The following PCDH7 variants were observed in gnomAD, a reference collection of about 807,000 sequenced individuals.
PCDH7 encodes the protein protocadherin-7.
In PCDH7, 17 loss-of-function variants were observed where a neutral mutation model predicts 58.9. That is an observed-to-expected ratio of 0.29 (90% CI 0.20 to 0.43). The LOEUF (loss-of-function observed/expected upper bound fraction) is 0.43, where lower values mean the gene tolerates loss of function less well. Ranked by LOEUF, PCDH7 falls within the 20% of genes least tolerant of loss-of-function variation. The pLI, the probability that PCDH7 is intolerant of heterozygous loss-of-function variation, is 1.00. For missense variants in PCDH7, 1,274 were observed against 1,441.0 expected (o/e 0.88, Z 1.88); for synonymous variants, 664 against 616.4 (o/e 1.08, Z -1.14).
At chr4:30,984,919 TA>T (rs1038110702) in intron 3 of PCDH7, among the ~76,000 whole-genome samples, 10 of 151,048 alleles carry the variant, frequency 6.6e-5, no homozygotes, top group Non-Finnish European at 1.0e-4. Flanking sequence ...GTAATACCAT[TA>T]AAAAAAAAGA....
chr4:30,793,804 A>G (rs1322143713), intron 1 of PCDH7: 1 of 152,218 alleles, frequency 6.6e-6, no homozygotes, highest in Non-Finnish European at 1.5e-5. Context: ...ATTCACTTGG[A>G]TAAAGAAGTA....
intron 1 of PCDH7, among the ~76,000 whole-genome samples, chr4:30,756,266 G>A (rs35977739): frequency 0.13 from 19,347 of 151,866 alleles, 1,647 homozygotes; most frequent in East Asian, 0.29. Flanking sequence ...ATGGCACCCC[G>A]CTGTTCATGA....
chr4:30,736,130 ACAG>A (rs1292753024), downstream of PCDH7, among the ~76,000 whole-genome samples: 7 of 152,328 alleles, frequency 4.6e-5, no homozygotes, highest in Middle Eastern at 3.4e-3. Flanking sequence ...TTATTGCCAC[ACAG>A]TGGTTTCTTA....
chr4:31,070,276 A>G (rs1273198661), intron 3 of PCDH7, among the ~76,000 whole-genome samples: 2 of 152,114 alleles, frequency 1.3e-5, no homozygotes, highest in Non-Finnish European at 2.9e-5. Context: ...GGCTCATTCA[A>G]CAGTGTAATT....
At chr4:31,105,902 G>A (rs1422223956) in intron 3 of PCDH7, among the ~76,000 whole-genome samples, 1 of 151,878 alleles carries the variant, frequency 6.6e-6, no homozygotes, top group Non-Finnish European at 1.5e-5. Flanking sequence ...AGCTGCTCGG[G>A]ACGCTGAGGC....
intron 1 of PCDH7, chr4:30,783,216 T>C (rs1345642096): frequency 2.6e-5 from 4 of 152,180 alleles, no homozygotes; most frequent in Non-Finnish European, 4.4e-5. Context: ...AATAAACTTT[T>C]CAATGTTAAT....
chr4:31,064,101 A>G (rs1413038560), intron 3 of PCDH7, among the ~76,000 whole-genome samples: 2 of 151,992 alleles, frequency 1.3e-5, no homozygotes, highest in Non-Finnish European at 1.5e-5. Flanking sequence ...TGAGCCACAT[A>G]ATAAGTATCA....
At chr4:30,958,665 G>A (rs1308383278) in intron 3 of PCDH7, among the ~76,000 whole-genome samples, 3 of 151,784 alleles carry the variant, frequency 2.0e-5, no homozygotes, top group Admixed American at 1.3e-4. Context: ...GAAGTAGTTT[G>A]CAACTGAAAT....
intron 1 of PCDH7, among the ~76,000 whole-genome samples, chr4:30,846,432 C>T (rs1036564670): frequency 5.3e-5 from 8 of 152,002 alleles, no homozygotes; most frequent in East Asian, 1.9e-4. Context: ...CAAGAAGGCC[C>T]GCACCAGATG....
At chr4:30,902,477 T>C (rs1740346338) in intron 1 of PCDH7, among the ~76,000 whole-genome samples, 1 of 152,290 alleles carries the variant, frequency 6.6e-6, no homozygotes, top group African/African-American at 2.4e-5. Flanking sequence ...ACATGCTTTA[T>C]TATTAATGCT....
chr4:30,954,609 T>C (rs906698868), intron 3 of PCDH7, among the ~76,000 whole-genome samples: 5 of 152,174 alleles, frequency 3.3e-5, no homozygotes, highest in Non-Finnish European at 7.4e-5. Context: ...GTATGCCATG[T>C]GCAACATGAC....
chr4:31,012,625 A>C (rs2109154540), intron 3 of PCDH7, among the ~76,000 whole-genome samples: 1 of 150,798 alleles, frequency 6.6e-6, no homozygotes, highest in African/African-American at 2.4e-5. Flanking sequence ...CACTTGCATT[A>C]ATCTTGCCAG....
chr4:30,952,352 G>A (rs1747442726), intron 3 of PCDH7, among the ~76,000 whole-genome samples: 1 of 151,798 alleles, frequency 6.6e-6, no homozygotes. Context: ...AATTATACAT[G>A]GGATTATAGG....
intron 1 of PCDH7, among the ~76,000 whole-genome samples, chr4:30,875,157 T>C (rs1179348378): frequency 6.6e-6 from 1 of 152,062 alleles, no homozygotes; most frequent in Non-Finnish European, 1.5e-5. Flanking sequence ...ATCAAGGTGG[T>C]TGCACCGTTG....
chr4:30,889,089 G>A (rs1422828455), intron 1 of PCDH7, among the ~76,000 whole-genome samples: 1 of 145,600 alleles, frequency 6.9e-6, no homozygotes, highest in Non-Finnish European at 1.5e-5. Context: ...GCTGAGGTGG[G>A]TGGATTGCTT....
chr4:30,855,183 A>G (rs540409317), intron 1 of PCDH7, among the ~76,000 whole-genome samples: 3 of 152,150 alleles, frequency 2.0e-5, no homozygotes, highest in Admixed American at 6.6e-5. Flanking sequence ...TGGCAGCACT[A>G]TTGCTGGATA....
chr4:30,981,075 C>T (rs1750513786), intron 3 of PCDH7, among the ~76,000 whole-genome samples: 1 of 152,190 alleles, frequency 6.6e-6, no homozygotes, highest in Non-Finnish European at 1.5e-5. Context: ...AACTCCTGAC[C>T]TTGTGATCCA....
At chr4:30,939,145 A>G (rs1005880947) in intron 2 of PCDH7, among the ~76,000 whole-genome samples, 3 of 152,150 alleles carry the variant, frequency 2.0e-5, no homozygotes, top group African/African-American at 7.2e-5. Context: ...GCCACTGCCA[A>G]TGCACAACAA....
chr4:31,119,947 G>A (rs61794138), intron 3 of PCDH7, among the ~76,000 whole-genome samples: 4,516 of 150,564 alleles, frequency 0.03, 178 homozygotes, highest in East Asian at 0.19. Context: ...ACCAGTTTCA[G>A]GTTTTTTTTT....
Sources: allele counts gnomAD v4.1 joint callset (sites outside exome capture counted in the v4.1 genomes callset), GRCh38; gene constraint gnomAD v4.1.1; transcripts MANE v1.5; gene names NCBI Gene and HGNC (gene_info 2026-07-23, HGNC 2026-07-21).